The following GPR158 variants were observed in gnomAD, a reference collection of about 807,000 sequenced individuals.
GPR158 encodes G protein-coupled receptor 158.
GPR158 carries 30 observed loss-of-function variants against 78.2 expected under a neutral mutation model. The ratio of observed to expected loss-of-function variants is 0.38; its 90% confidence interval spans 0.29 to 0.52. The LOEUF (loss-of-function observed/expected upper bound fraction) is 0.52. Ranked by LOEUF, GPR158 falls within the 20% of genes least tolerant of loss-of-function variation. The pLI is 0.83. For synonymous variants in GPR158, 581 were observed against 591.1 expected, an observed-to-expected ratio of 0.98 and a Z score of 0.25; for missense variants, 1,463 against 1,523.5, an observed-to-expected ratio of 0.96 and a Z score of 0.66.
intron 2 of GPR158, among the ~76,000 whole-genome samples, chr10:25,284,132 G>A (rs530158410): frequency 6.6e-6 from 1 of 152,090 alleles, no homozygotes; most frequent in African/African-American, 2.4e-5. Flanking sequence ...GGATCAAATT[G>A]GTTGATAGTG....
At chr10:25,458,100 A>G (rs1409718052) in intron 4 of GPR158, among the ~76,000 whole-genome samples, 1 of 152,192 alleles carries the variant, frequency 6.6e-6, no homozygotes, top group African/African-American at 2.4e-5. Flanking sequence ...TTATGTATAA[A>G]TCAATGTGAA....
At chr10:25,186,896 C>T (rs577934445) in intron 1 of GPR158, among the ~76,000 whole-genome samples, 27 of 150,712 alleles carry the variant, frequency 1.8e-4, no homozygotes, top group Admixed American at 7.3e-4. Context: ...ATCCTGATAC[C>T]AAAGCCTGGC....
At chr10:25,520,390 C>T (rs2130681003) in intron 5 of GPR158, among the ~76,000 whole-genome samples, 1 of 149,052 alleles carries the variant, frequency 6.7e-6, no homozygotes. Flanking sequence ...AGTCATTCTC[C>T]ATCCAGCTTT....
At chr10:25,225,183 C>CCTTTTTTTTTTTTTT (rs553039231) in intron 2 of GPR158, among the ~76,000 whole-genome samples, 3 of 134,764 alleles carry the variant, frequency 2.2e-5, no homozygotes, top group African/African-American at 8.5e-5. Context: ...GAACATTTGC[C>CCTTTTTTTTTTTTTT]TTTTTTTTTT....
At chr10:25,286,775 G>T (rs1483318593) in intron 2 of GPR158, among the ~76,000 whole-genome samples, 1 of 152,002 alleles carries the variant, frequency 6.6e-6, no homozygotes, top group Non-Finnish European at 1.5e-5. Flanking sequence ...ACAGGAATTG[G>T]TCTGGTTTTG....
chr10:25,283,740 TA>T (rs1465623920), intron 2 of GPR158, among the ~76,000 whole-genome samples: 4 of 152,030 alleles, frequency 2.6e-5, no homozygotes, highest in Admixed American at 1.3e-4. Context: ...ATAAATAATC[TA>T]AAACAATTAA....
At chr10:25,260,291 A>G (rs771434225) in intron 2 of GPR158, among the ~76,000 whole-genome samples, 46 of 152,174 alleles carry the variant, frequency 3.0e-4, no homozygotes, top group Non-Finnish European at 5.9e-4. Context: ...CTCTCCTTCA[A>G]GGAGGCTAAT....
chr10:25,526,797 G>C (rs1836352249), intron 5 of GPR158, among the ~76,000 whole-genome samples: 1 of 152,166 alleles, frequency 6.6e-6, no homozygotes, highest in Admixed American at 6.5e-5. Flanking sequence ...CAACCCCAGT[G>C]AAGTAAGATT....
intron 5 of GPR158, among the ~76,000 whole-genome samples, chr10:25,532,413 A>G (rs1836436673): frequency 6.6e-6 from 1 of 152,150 alleles, no homozygotes; most frequent in Non-Finnish European, 1.5e-5. Context: ...GTGTCTCATC[A>G]TCATTTTTTC....
intron 7 of GPR158, among the ~76,000 whole-genome samples, chr10:25,582,255 C>T (rs573528575): frequency 2.6e-5 from 4 of 152,168 alleles, no homozygotes; most frequent in Non-Finnish European, 5.9e-5. Flanking sequence ...ACCCTGTGCT[C>T]TGAGAGGACT....
chr10:25,321,570 G>C (rs570567907), intron 2 of GPR158, among the ~76,000 whole-genome samples: 2 of 152,022 alleles, frequency 1.3e-5, no homozygotes, highest in Admixed American at 6.6e-5. Context: ...GAGGAGATAG[G>C]GTTGATTAGA....
chr10:25,599,507 C>G lies in GPR158; in HGVS notation c.*233C>G, dbSNP rs1023328009. On this transcript the variant is annotated 3_prime_UTR_variant, in exon 11 of 11. Coordinates refer to ENST00000376351, the MANE Select transcript of GPR158 (RefSeq NM_020752.3). Reference sequence around the variant, plus strand: ...CTTCCCTTGGTAACACTAGGAAAATCTTTCCATTTCAGCATGTTTAAGGAA... The same window carrying G: ...CTTCCCTTGGTAACACTAGGAAAATGTTTCCATTTCAGCATGTTTAAGGAA... 2 of 507,252 alleles carry G rather than the reference C, an allele frequency of 3.9e-6. No homozygotes were observed. Among genetic ancestry groups the G allele is most frequent in the East Asian group, 6.7e-5 (2 of 29,878 alleles). 31.4% of individuals were successfully genotyped at this position (507,252 alleles called of 1,614,324 possible).
intron 2 of GPR158, among the ~76,000 whole-genome samples, chr10:25,310,026 A>C (rs1262131531): frequency 6.6e-6 from 1 of 152,184 alleles, no homozygotes; most frequent in African/African-American, 2.4e-5. Flanking sequence ...TCTGTTTTAT[A>C]GTTTTCACAC....
rs1852524677 is a variant in GPR158 at position 25,175,950 on chromosome 10, C to A, written c.530C>A (p.Thr177Asn). 1 of 1,613,512 alleles carries A rather than the reference C, an allele frequency of 6.2e-7. No homozygotes were observed. The change falls in exon 1 of 11, where the codon ACC becomes AAC. Residue 177 changes from threonine (T) to asparagine (N), a missense_variant. Thr to Asn is a moderately conservative substitution (Grantham distance 65). Coordinates refer to ENST00000376351, the MANE Select transcript of GPR158 (RefSeq NM_020752.3). This position sits in a 1 kb window ranked among gnomAD's most constrained non-coding sequence, Gnocchi z 6.4. ...GEPSISRAAI[T>N]FSTDSLSAPA... ...CCCAGCATCTCCCGGGCGGCCATCA[C>A]CTTCAGCACCGATTCGCTGTCCGCA...
intron 5 of GPR158, among the ~76,000 whole-genome samples, chr10:25,515,074 G>C (rs78599287): frequency 2.0e-5 from 3 of 151,928 alleles, no homozygotes; most frequent in South Asian, 4.1e-4. Context: ...TAACAAGGCT[G>C]GGGAAGTTTT....
At position 25,598,472 on chromosome 10, in the gene GPR158, A is replaced by G. The variant is rs926410380; in HGVS notation, c.2846A>G (p.Asp949Gly). Residue 949 changes from aspartate (D) to glycine (G), a missense_variant, in exon 11 of 11, where the codon GAT becomes GGT. By Grantham distance (94) the Asp-to-Gly change is moderately conservative (BLOSUM62 -1). Coordinates refer to ENST00000376351, the MANE Select transcript of GPR158 (RefSeq NM_020752.3). ...ACAAACAGAAATCACTCAAATTCTG[A>G]TAACACAGAGACTAAAGATCCTGCC... is the stretch of plus-strand genomic sequence containing the variant. ...KETNRNHSNS[D>G]NTETKDPAPQ... The G allele has an allele frequency of 6.2e-7, 1 of 1,614,008 alleles. No homozygotes were observed. The highest frequency in any genetic ancestry group is 1.3e-5 in the African/African-American group (1 of 74,932).
chr10:25,274,068 A>G (rs1365829090), intron 2 of GPR158, among the ~76,000 whole-genome samples: 1 of 152,046 alleles, frequency 6.6e-6, no homozygotes, highest in East Asian at 1.9e-4. Context: ...TTCCTTTGTG[A>G]TTGTCCTTTT....
At chr10:25,211,189 A>T (rs962111615) in intron 1 of GPR158, among the ~76,000 whole-genome samples, 8 of 152,026 alleles carry the variant, frequency 5.3e-5, no homozygotes, top group Non-Finnish European at 8.8e-5. Context: ...TTTTCACTTA[A>T]TCAAAATTTT....
intron 5 of GPR158, among the ~76,000 whole-genome samples, chr10:25,535,741 T>A (rs1836490286): frequency 6.6e-6 from 1 of 152,212 alleles, no homozygotes; most frequent in Non-Finnish European, 1.5e-5. Context: ...TAGTTCTGAC[T>A]CTGCTTCGAC....
Sources: allele counts gnomAD v4.1 joint callset (sites outside exome capture counted in the v4.1 genomes callset), GRCh38; gene constraint gnomAD v4.1.1; non-coding constraint Gnocchi (gnomAD v3.1); transcripts MANE v1.5; gene names NCBI Gene and HGNC (gene_info 2026-07-23, HGNC 2026-07-21).